Variants in STAM observed in about 807,000 individuals in gnomAD.
STAM encodes the protein signal transducing adaptor molecule, also known as signal transducing adapter molecule 1.
A neutral mutation model predicts 63.4 loss-of-function variants in STAM; 16 were observed. The ratio of observed to expected loss-of-function variants is 0.25; its 90% CI spans 0.17 to 0.38. The LOEUF is 0.38. Among genes scored for constraint, STAM ranks in the 10% least tolerant of loss-of-function variants. The pLI is 1.00. For missense variants in STAM, 636 were observed against 657.1 expected, an observed-to-expected ratio of 0.97 and a Z score of 0.35; for synonymous variants, 238 against 223.9, an observed-to-expected ratio of 1.06 and a Z score of -0.56.
At position 17,708,851 on chromosome 10, in the gene STAM, A is replaced by C; in HGVS notation, c.1285A>C (p.Ser429Arg). 6.2e-7 allele frequency: 1 copy of C among 1,614,164 alleles called. No homozygotes were observed. The highest frequency in any genetic ancestry group is 8.5e-7 in the Non-Finnish European group (1 of 1,180,018). The change falls in exon 13 of 14, where the codon AGT becomes CGT. Residue 429 changes from serine to arginine, a missense_variant. Coordinates refer to ENST00000377524, the MANE Select transcript of STAM (RefSeq NM_003473.4). ...NAQMSHLQSY[S>R]LPPEQLSSLS... ...GCAGATGAGCCACCTCCAGAGCTAC[A>C]GTCTTCCCCCGGAGCAGCTGTCTTC...
At chr10:17,667,739 G>C (rs1366949852) in intron 2 of STAM, among the ~76,000 whole-genome samples, 1 of 152,204 alleles carries the variant, frequency 6.6e-6, no homozygotes, top group Admixed American at 6.5e-5. Context: ...CTGGTATGAG[G>C]GGGTTACGTT....
chr10:17,684,717 C>T lies in STAM; in HGVS notation c.168C>T (p.His56=). 1 of 1,614,060 alleles carries T rather than the reference C, an allele frequency of 6.2e-7. No individual in the cohort carries two copies. Among genetic ancestry groups the T allele is most frequent in the South Asian group, 1.1e-5 (1 of 91,050 alleles). The change falls in exon 3 of 14, where the codon CAC becomes CAT. Residue 56 remains histidine, a synonymous_variant. Coordinates refer to ENST00000377524, the MANE Select transcript of STAM (RefSeq NM_003473.4). ...GGTCTATTATGAGAAGAGTGAACCA[C>T]AAAGATCCTCACGTTGCTATGCAGG... ...CLRSIMRRVN[H]KDPHVAMQAL... is the part of the protein sequence containing the mutation.
intron 2 of STAM, among the ~76,000 whole-genome samples, chr10:17,663,507 G>C (rs1834258140): frequency 6.6e-6 from 1 of 152,056 alleles, no homozygotes; most frequent in Admixed American, 6.6e-5. Flanking sequence ...AGGTGGATCT[G>C]TTTGTTCTTT....
intron 1 of STAM, among the ~76,000 whole-genome samples, chr10:17,655,602 C>T (rs552227332): frequency 9.2e-5 from 14 of 152,270 alleles, no homozygotes; most frequent in East Asian, 1.9e-4. Context: ...ACTCACTTGA[C>T]GTACTTCTGC....
At chr10:17,711,488 T>A (rs953915602) in intron 13 of STAM, among the ~76,000 whole-genome samples, 4 of 152,194 alleles carry the variant, frequency 2.6e-5, no homozygotes, top group Non-Finnish European at 5.9e-5. Flanking sequence ...CATAAAAAAA[T>A]ATAATTTTAT....
chr10:17,660,076 A>G (rs941917715), intron 1 of STAM, among the ~76,000 whole-genome samples: 2 of 152,112 alleles, frequency 1.3e-5, no homozygotes, highest in African/African-American at 2.4e-5. Flanking sequence ...AAACTAGCTA[A>G]ATAATTAACT....
rs552400412 is a variant in STAM, at chr10:17,710,855, A to G, written c.1385+1904A>G. ...GTGTATTTTTTAAAAATTCCTTGCA[A>G]AGGCTTCACAAAGGCTTAGAGGCCA... On this transcript the variant is annotated intron_variant, in intron 13 of 13. Transcript: ENST00000377524. Among the ~76,000 whole-genome samples, 40 of 152,328 alleles carry G rather than the reference A, an allele frequency of 2.6e-4. 1 individual carries two copies. Among genetic ancestry groups the G allele is most frequent in the African/African-American group, 8.2e-4 (34 of 41,580 alleles).
intron 1 of STAM, among the ~76,000 whole-genome samples, chr10:17,647,176 G>A (rs528831928): frequency 5.9e-5 from 9 of 152,066 alleles, no homozygotes; most frequent in Non-Finnish European, 1.3e-4. Context: ...AAACATTTAT[G>A]GAATAAATGA....
intron 10 of STAM, 94 bp downstream of exon 10, chr10:17,704,612 A>C (rs3824629): frequency 0.072 from 78,273 of 1,094,232 alleles, 3,181 homozygotes; most frequent in Middle Eastern, 0.13. Flanking sequence ...TAATATTAAA[A>C]ATGGAACATT....
Position 17,689,066 on chromosome 10 carries a change from T to C in STAM, c.444+893T>C, listed in dbSNP as rs992442696. ...AGTGGATATGGCTAAATAGCTTAACTTTGCTCTCCTGTCCACCCTTGTGCC... is the reference window on the plus strand; with the variant it reads ...AGTGGATATGGCTAAATAGCTTAACCTTGCTCTCCTGTCCACCCTTGTGCC... On this transcript the variant is annotated intron_variant, in intron 5 of 13. Transcript: ENST00000377524. 3.9e-5 allele frequency among the ~76,000 whole-genome samples: 6 copies of C among 152,220 alleles called. No homozygotes were observed. In the South Asian group the frequency reaches 6.2e-4, roughly 16 times the overall value.
At chr10:17,686,521 C>G (rs1390446547) in intron 4 of STAM, among the ~76,000 whole-genome samples, 4 of 152,020 alleles carry the variant, frequency 2.6e-5, no homozygotes, top group Non-Finnish European at 4.4e-5. Context: ...GGAATACAGG[C>G]ATGCGCCACC....
chr10:17,693,442 C>G, intron 6 of STAM, 130 bp downstream of exon 6: 1 of 665,132 alleles, frequency 1.5e-6, no homozygotes, highest in Non-Finnish European at 2.4e-6. Flanking sequence ...CCTCAGTATT[C>G]TTTGCTTTAC....
intron 13 of STAM, among the ~76,000 whole-genome samples, chr10:17,713,642 T>G (rs1836663040): frequency 6.6e-6 from 1 of 152,164 alleles, no homozygotes. Context: ...CATTATCATA[T>G]TTTGAAGGCA....
At chr10:17,713,811 A>G (rs545455186) in intron 13 of STAM, among the ~76,000 whole-genome samples, 1 of 152,004 alleles carries the variant, frequency 6.6e-6, no homozygotes, top group East Asian at 1.9e-4. Context: ...GAATCTTATC[A>G]CGCTTCTGCT....
intron 2 of STAM, among the ~76,000 whole-genome samples, chr10:17,682,074 GT>G (rs1402962679): frequency 6.6e-6 from 1 of 152,266 alleles, no homozygotes; most frequent in East Asian, 1.9e-4. Context: ...TGGTTTGATA[GT>G]TTGATGAGTT....
chr10:17,695,388 G>A, intron 7 of STAM, 147 bp downstream of exon 7: 1 of 641,506 alleles, frequency 1.6e-6, no homozygotes, highest in Non-Finnish European at 2.4e-6. Context: ...ATTTGCTTGT[G>A]TTATACTGGG....
rs1288109356 is a variant in STAM at position 17,714,954 on chromosome 10, G to A, written c.*174G>A. 1.6e-6 allele frequency: 1 copy of A among 617,312 alleles called. No individual in the cohort carries two copies. Among genetic ancestry groups the A allele is most frequent in the Non-Finnish European group, 2.8e-6 (1 of 355,008 alleles). The allele number at this position is 617,312 out of a possible 1,614,324, so 38.2% of individuals were successfully genotyped here. A position where few individuals can be genotyped will look rare whatever the true frequency, so the allele number is the denominator to read the frequency against. ...CTCAATTTACACTGACTTTTTAGAG[G>A]TTCTTCCCCCCCCGCCCCTGCAGAG... is the stretch of plus-strand genomic sequence containing the variant. On this transcript the variant is annotated 3_prime_UTR_variant, in exon 14 of 14. Transcript: ENST00000377524.
At chr10:17,706,802 T>G (rs1364679226) in intron 12 of STAM, among the ~76,000 whole-genome samples, 1 of 152,158 alleles carries the variant, frequency 6.6e-6, no homozygotes, top group African/African-American at 2.4e-5. Flanking sequence ...TAAAGTAGTT[T>G]CGTAAAAAAC....
rs1470016847 is a variant in STAM at position 17,706,488 on chromosome 10, C to G, written c.1209+747C>G. On this transcript the variant is annotated intron_variant, in intron 12 of 13. Transcript: ENST00000377524. The stretch of plus-strand genomic sequence containing the variant: ...CCGCCTTCCGGGTTCTCGCCATTCT[C>G]CTGCCTCAGCCTCCTGAGTAGCTGG... Among the ~76,000 whole-genome samples the G allele has an allele frequency of 1.3e-5, 2 of 149,162 alleles. 1 individual carries two copies. The highest frequency in any genetic ancestry group is 4.3e-4 in the South Asian group (2 of 4,648).
Sources: gnomAD v4.1 joint callset for allele counts (sites outside exome capture counted in the v4.1 genomes callset) on GRCh38, gnomAD v4.1.1 for gene constraint, MANE v1.5 for transcripts, NCBI Gene and HGNC (gene_info 2026-07-23, HGNC 2026-07-21) for gene names.